KMT2E: variants seen among roughly 807,000 people sequenced by gnomAD.
KMT2E encodes the protein lysine methyltransferase 2E (inactive).
A neutral mutation model predicts 184.6 loss-of-function variants in KMT2E; 30 were observed. The observed-to-expected ratio is 0.16, with a 90% CI of 0.12 to 0.22. The LOEUF (loss-of-function observed/expected upper bound fraction) is 0.22, where lower values mean the gene tolerates loss of function less well. Among genes scored for constraint, KMT2E ranks in the 10% least tolerant of loss-of-function variants. KMT2E has a pLI of 1.00. For synonymous variants in KMT2E, 815 were observed against 776.5 expected, an observed-to-expected ratio of 1.05 and a Z score of -0.82; for missense variants, 2,023 against 2,237.4, an observed-to-expected ratio of 0.90 and a Z score of 1.93.
Position 105,017,788 on chromosome 7 carries a change from A to G in KMT2E, c.-189+3253A>G, listed in dbSNP as rs149096731. ...AGTTAATTTTATTTTTAGAGCCTACATTTTGATCATACATCCTTTCGTTGT... is the reference window on the plus strand; with the variant it reads ...AGTTAATTTTATTTTTAGAGCCTACGTTTTGATCATACATCCTTTCGTTGT... On this transcript the variant is annotated intron_variant, in intron 1 of 26. Transcript: ENST00000311117. Among the ~76,000 whole-genome samples, 78 of 152,318 alleles carry G rather than the reference A, an allele frequency of 5.1e-4. No homozygotes were observed. The East Asian group carries it at 0.01, about 20-fold the overall frequency.
intron 1 of KMT2E, among the ~76,000 whole-genome samples, chr7:105,017,232 A>T (rs1584679142): frequency 6.6e-6 from 1 of 152,324 alleles, no homozygotes; most frequent in African/African-American, 2.4e-5. Flanking sequence ...CCTGTGCCCG[A>T]TGGTTTTCTT....
chr7:105,055,094 C>G (rs1230925852), intron 3 of KMT2E, among the ~76,000 whole-genome samples: 1 of 152,122 alleles, frequency 6.6e-6, no homozygotes, highest in Non-Finnish European at 1.5e-5. Flanking sequence ...ATTACCCAAC[C>G]TCACATTTGA....
intron 6 of KMT2E, among the ~76,000 whole-genome samples, chr7:105,072,210 T>C (rs1175870499): frequency 6.6e-6 from 1 of 151,850 alleles, no homozygotes; most frequent in Non-Finnish European, 1.5e-5. Flanking sequence ...CCCAGCTACT[T>C]GGGAGGCTTA....
At position 105,107,886 on chromosome 7, in the gene KMT2E, C is replaced by T. The variant is rs780453144; in HGVS notation, c.3429C>T (p.Asp1143=). The change falls in exon 22 of 27, where the codon GAC becomes GAT. Residue 1143 remains aspartate, a synonymous_variant. Transcript: ENST00000311117. ...FGRTVNDNLI[D]GNCTPQNPPQ... is the part of the protein sequence containing the mutation. Reference sequence around the variant, plus strand: ...GGACTGTTAATGACAATTTGATCGACGGGAATTGCACACCCCAGAATCCAC... The same window carrying T: ...GGACTGTTAATGACAATTTGATCGATGGGAATTGCACACCCCAGAATCCAC... 9.9e-6 allele frequency: 16 copies of T among 1,613,000 alleles called. No individual in the cohort carries two copies. Among genetic ancestry groups the T allele is most frequent in the East Asian group, 2.2e-5 (1 of 44,830 alleles).
chr7:105,077,278 A>G, intron 10 of KMT2E, 25 bp from the exon 11 acceptor site: 1 of 1,604,498 alleles, frequency 6.2e-7, no homozygotes, highest in Non-Finnish European at 8.5e-7. Flanking sequence ...AGTTTATTTA[A>G]TCTCAACATT....
chr7:105,044,744 A>G (rs749889834), intron 3 of KMT2E, among the ~76,000 whole-genome samples: 14 of 152,178 alleles, frequency 9.2e-5, no homozygotes, highest in Non-Finnish European at 1.3e-4. Flanking sequence ...GTTTTGTGAC[A>G]GTGTTGTTGG....
rs1336731005 is a variant in KMT2E, at chr7:105,110,612, C to T, written c.3970+10C>T. ...AGTGAACTTATGGAAGGTCAGTAAG[C>T]AGATGACCGATAATGTTATTCTTAA... is the stretch of plus-strand genomic sequence containing the variant. On this transcript the variant is annotated intron_variant, in intron 25 of 26. Coordinates refer to ENST00000311117, the MANE Select transcript of KMT2E (RefSeq NM_182931.3). 1 of 1,613,912 alleles carries T rather than the reference C, an allele frequency of 6.2e-7. No homozygotes were observed. Among genetic ancestry groups the T allele is most frequent in the South Asian group, 1.1e-5 (1 of 91,068 alleles).
In KMT2E at chr7:105,112,107, C is replaced by G. The variant is rs759629370; in HGVS notation, c.4351C>G (p.Pro1451Ala). The change falls in exon 27 of 27, where the codon CCA (proline) becomes GCA (alanine). Residue 1451 changes from proline to alanine, a missense_variant. Transcript: ENST00000311117. ...TCCATCACCTCACCTAGAAAATCCTCCAAAGTCATCCACGCCTCACACACC... is the reference window on the plus strand; with the variant it reads ...TCCATCACCTCACCTAGAAAATCCTGCAAAGTCATCCACGCCTCACACACC... ...CPPSPHLENP[P>A]KSSTPHTPVQ... 14 of 1,614,062 alleles carry G rather than the reference C, an allele frequency of 8.7e-6. No individual in the cohort carries two copies. The highest frequency in any genetic ancestry group is 2.2e-5 in the East Asian group (1 of 44,904).
At chr7:105,041,391 G>T (rs1412730620) in intron 3 of KMT2E, among the ~76,000 whole-genome samples, 11 of 152,062 alleles carry the variant, frequency 7.2e-5, no homozygotes. Flanking sequence ...TTAATTTGTT[G>T]GTGCTTGGGT....
At chr7:105,101,651 C>T in intron 16 of KMT2E, 62 bp downstream of exon 16, 1 of 1,297,278 alleles carries the variant, frequency 7.7e-7, no homozygotes, top group Non-Finnish European at 1.0e-6. Context: ...TCTATACTTG[C>T]ATTAATTACT....
intron 6 of KMT2E, among the ~76,000 whole-genome samples, chr7:105,070,711 G>A (rs1471205925): frequency 6.6e-6 from 1 of 151,602 alleles, no homozygotes; most frequent in African/African-American, 2.4e-5. Context: ...TCTTTGGGGG[G>A]CTGAGGCAGG....
chr7:105,073,552 T>TTTTTTTA, intron 6 of KMT2E, 67 bp from the exon 7 acceptor site: 10 of 973,274 alleles, frequency 1.0e-5, no homozygotes, highest in Non-Finnish European at 1.3e-5. Context: ...AATTAAAAAG[T>TTTTTTTA]TTATCACATT....
chr7:105,061,639 G>GT lies in KMT2E; in HGVS notation c.72-517dup, dbSNP rs533221697. Among the ~76,000 whole-genome samples the GT allele has an allele frequency of 2.8e-4, 42 of 151,904 alleles. No individual in the cohort carries two copies. In the South Asian group the frequency reaches 7.3e-3, roughly 26 times the overall value. On this transcript the variant is annotated intron_variant, in intron 3 of 26. Coordinates refer to ENST00000311117, the MANE Select transcript of KMT2E (RefSeq NM_182931.3). ...GCTCATCTTACAGATAGCTGTTTAT[G>GT]TTTTTTTTCAGGTATAAATCCTGGT...
At chr7:105,035,682 C>T (rs1385892925) in intron 1 of KMT2E, among the ~76,000 whole-genome samples, 1 of 152,066 alleles carries the variant, frequency 6.6e-6, no homozygotes, top group East Asian at 1.9e-4. Context: ...GCCTCAGCCT[C>T]CTGAGTAGCC....
intron 3 of KMT2E, among the ~76,000 whole-genome samples, chr7:105,053,246 A>G (rs758026053): frequency 5.3e-5 from 8 of 152,150 alleles, no homozygotes; most frequent in Non-Finnish European, 8.8e-5. Context: ...ATTGAAATTT[A>G]TTATTAATAT....
chr7:105,102,240 A>T (rs1562928361), intron 17 of KMT2E, 46 bp downstream of exon 17: 1 of 1,476,534 alleles, frequency 6.8e-7, no homozygotes, highest in Non-Finnish European at 9.1e-7. Context: ...ACAGTTTCTT[A>T]TATTAATTAT....
intron 3 of KMT2E, among the ~76,000 whole-genome samples, chr7:105,057,976 C>T (rs757437701): frequency 5.3e-5 from 8 of 152,174 alleles, no homozygotes; most frequent in African/African-American, 1.2e-4. Context: ...TCACACATTG[C>T]GTTTGCTTGA....
Position 105,039,150 on chromosome 7 carries a change from T to C in KMT2E, c.-115+951T>C, listed in dbSNP as rs548158720. 4 of 152,348 alleles carry C rather than the reference T, an allele frequency of 2.6e-5. No homozygotes were observed. The South Asian group carries it at 6.2e-4, about 24-fold the overall frequency. The allele number at this position is 152,348 out of a possible 1,614,324, so 9.4% of individuals were successfully genotyped here. On this transcript the variant is annotated intron_variant, in intron 2 of 26. Coordinates refer to ENST00000311117, the MANE Select transcript of KMT2E (RefSeq NM_182931.3). ...CTCTAATGCATTCACCAATTCTTTG[T>C]AGAATGCTGTTATGTCCCAGGCACT...
At chr7:105,069,749 G>C (rs1366608231) in intron 6 of KMT2E, among the ~76,000 whole-genome samples, 1 of 152,110 alleles carries the variant, frequency 6.6e-6, no homozygotes, top group Non-Finnish European at 1.5e-5. Context: ...TAGGATATTG[G>C]CATTAACACA....
Sources: gnomAD v4.1 joint callset for allele counts (sites outside exome capture counted in the v4.1 genomes callset) on GRCh38, gnomAD v4.1.1 for gene constraint, MANE v1.5 for transcripts, NCBI Gene and HGNC (gene_info 2026-07-23, HGNC 2026-07-21) for gene names.